SERPIND1: variants seen among roughly 807,000 people sequenced by gnomAD.
The protein encoded by SERPIND1 is heparin cofactor 2.
Under a neutral mutation model 35.0 loss-of-function variants are expected in SERPIND1, and 34 were observed. The ratio of observed to expected loss-of-function variants is 0.97; its 90% CI spans 0.74 to 1.29. SERPIND1 has a LOEUF of 1.29. Ranked by LOEUF, SERPIND1 falls within the 50% of genes most tolerant of loss-of-function variation. The pLI, the probability that SERPIND1 is intolerant of heterozygous loss-of-function variation, is 0.00. For missense variants in SERPIND1, 633 were observed against 637.7 expected, an observed-to-expected ratio of 0.99 and a Z score of 0.08; for synonymous variants, 236 against 241.1, an observed-to-expected ratio of 0.98 and a Z score of 0.19.
chr22:20,775,545 C>G (rs1187501107), intron 1 of SERPIND1, among the ~76,000 whole-genome samples: 1 of 152,246 alleles, frequency 6.6e-6, no homozygotes, highest in Non-Finnish European at 1.5e-5. Context: ...TATCTGGCCT[C>G]AGATACGTTT....
In SERPIND1 at chr22:20,779,596, T is replaced by A; in HGVS notation, c.284T>A (p.Ile95Asn). The change falls in exon 2 of 5, where the codon ATC (isoleucine) becomes AAC (asparagine). Residue 95 changes from isoleucine (I) to asparagine (N), a missense_variant. Transcript: ENST00000215727. The stretch of plus-strand genomic sequence containing the variant: ...AGTGAAGACGACGACTACATCGACA[T>A]CGTCGACAGTCTGTCAGTTTCCCCG... ...IFSEDDDYID[I>N]VDSLSVSPTD... is the part of the protein sequence containing the mutation. 1.2e-6 allele frequency: 2 copies of A among 1,614,152 alleles called. No individual in the cohort carries two copies. Among genetic ancestry groups the A allele is most frequent in the South Asian group, 1.1e-5 (1 of 91,088 alleles).
rs757747460 is a variant in SERPIND1, at chr22:20,783,940, C to T, written c.890-32C>T. On this transcript the variant is annotated intron_variant, in intron 2 of 4. Transcript: ENST00000215727. ...GAGACGATTTCCCTAAAGGAACCTT[C>T]TCATAACAGCCTCTTCCTGTGGCCT... is the stretch of plus-strand genomic sequence containing the variant. 6.2e-6 allele frequency: 10 copies of T among 1,614,010 alleles called. No homozygotes were observed. In the African/African-American group the frequency reaches 1.2e-4, roughly 19 times the overall value.
At chr22:20,779,062 G>C in intron 1 of SERPIND1, 2 of 931,000 alleles carry the variant, frequency 2.1e-6, no homozygotes, top group East Asian at 6.0e-5. Context: ...TTTAAAGAAG[G>C]GATTTTCATC....
intron 2 of SERPIND1, among the ~76,000 whole-genome samples, chr22:20,782,715 C>G (rs1286227602): frequency 6.6e-6 from 1 of 152,148 alleles, no homozygotes; most frequent in African/African-American, 2.4e-5. Flanking sequence ...TTGGAGTAAG[C>G]ATTACTGGTA....
intron 4 of SERPIND1, among the ~76,000 whole-genome samples, 188 bp downstream of exon 4, chr22:20,786,336 C>T (rs1016740040): frequency 1.3e-5 from 2 of 152,140 alleles, no homozygotes; most frequent in African/African-American, 2.4e-5. Flanking sequence ...AGCACGGCAC[C>T]TGGCAGACAC....
chr22:20,774,811 T>C (rs1481906894), intron 1 of SERPIND1, among the ~76,000 whole-genome samples: 2 of 149,302 alleles, frequency 1.3e-5, no homozygotes, highest in East Asian at 1.9e-4. Context: ...GAACAAGATA[T>C]AGGAGACCTA....
At chr22:20,780,348 G>A (rs981759299) in intron 2 of SERPIND1, 147 bp downstream of exon 2, 3 of 1,259,172 alleles carry the variant, frequency 2.4e-6, no homozygotes, top group Non-Finnish European at 2.3e-6. Context: ...GGACAGGGAA[G>A]GCCAAGCTGA....
intron 1 of SERPIND1, among the ~76,000 whole-genome samples, chr22:20,776,298 T>C (rs1933266195): frequency 1.3e-5 from 2 of 152,094 alleles, no homozygotes; most frequent in African/African-American, 4.8e-5. Flanking sequence ...CACTCCAGCC[T>C]GGGTGACAGA....
chr22:20,775,271 T>C (rs165680), intron 1 of SERPIND1, among the ~76,000 whole-genome samples: 69,575 of 152,082 alleles, frequency 0.46, 16,522 homozygotes, highest in African/African-American at 0.57. Context: ...GTAATCTGGA[T>C]TTAATCACAA....
rs1300206438 is a variant in SERPIND1 at position 20,785,427 on chromosome 22, TGAA to T, written c.1164-571_1164-569del. On this transcript the variant is annotated intron_variant, in intron 3 of 4. Coordinates refer to ENST00000215727, the MANE Select transcript of SERPIND1 (RefSeq NM_000185.4). ...GCAAGGTATGAGCTAGGTAAAAGAGTGAAGAAGATCAAGCCTTCCTGCCCATCC... is the reference window on the plus strand; with the variant it reads ...GCAAGGTATGAGCTAGGTAAAAGAGTGAAGATCAAGCCTTCCTGCCCATCC... Among the ~76,000 whole-genome samples the T allele has an allele frequency of 2.6e-5, 4 of 152,090 alleles. No individual in the cohort carries two copies. The East Asian group carries it at 5.8e-4, about 22-fold the overall frequency.
At chr22:20,777,590 G>C (rs1354781875) in intron 1 of SERPIND1, among the ~76,000 whole-genome samples, 1 of 152,210 alleles carries the variant, frequency 6.6e-6, no homozygotes, top group African/African-American at 2.4e-5. Flanking sequence ...CTGGGCTCAA[G>C]TGATCTTCCT....
chr22:20,785,943 CATG>C (rs34033319), intron 3 of SERPIND1, 58 bp from the exon 4 acceptor site: 505,334 of 1,610,624 alleles, frequency 0.31, 85,722 homozygotes, highest in Non-Finnish European at 0.35. Context: ...AAGGGAAAAT[CATG>C]ATTCTTTTGT....
chr22:20,775,158 G>C (rs1364470703), intron 1 of SERPIND1, among the ~76,000 whole-genome samples: 12 of 151,676 alleles, frequency 7.9e-5, no homozygotes, highest in Non-Finnish European at 1.8e-4. Flanking sequence ...ACCCAGCTCT[G>C]GCAATTAGCA....
intron 3 of SERPIND1, among the ~76,000 whole-genome samples, chr22:20,785,597 C>T (rs549288849): frequency 2.0e-5 from 3 of 152,178 alleles, no homozygotes; most frequent in South Asian, 4.1e-4. Context: ...CTAGTATATA[C>T]AGGAAAGGTT....
In SERPIND1 at chr22:20,780,110, C is replaced by G; in HGVS notation, c.798C>G (p.Ile266Met). 6.2e-7 allele frequency: 1 copy of G among 1,614,188 alleles called. No individual in the cohort carries two copies. The highest frequency in any genetic ancestry group is 1.1e-5 in the South Asian group (1 of 91,084). The change falls in exon 2 of 5, where the codon ATC becomes ATG. Residue 266 changes from isoleucine to methionine, a missense_variant. Transcript: ENST00000215727. ...PAFISKTNNH[I>M]MKLTKGLIKD... The stretch of plus-strand genomic sequence containing the variant: ...TCATATCAAAAACCAACAACCACAT[C>G]ATGAAGCTCACCAAGGGCCTCATAA...
intron 2 of SERPIND1, among the ~76,000 whole-genome samples, chr22:20,782,462 G>A (rs1933873415): frequency 6.6e-6 from 1 of 152,168 alleles, no homozygotes; most frequent in South Asian, 2.1e-4. Flanking sequence ...GTCTAGAAGT[G>A]TAATTTTAAT....
At position 20,779,794 on chromosome 22, in the gene SERPIND1, C is replaced by A. The variant is rs930125664; in HGVS notation, c.482C>A (p.Ala161Glu). 34 of 1,614,186 alleles carry A rather than the reference C, an allele frequency of 2.1e-5. No individual in the cohort carries two copies. Among genetic ancestry groups the A allele is most frequent in the Middle Eastern group, 1.6e-4 (1 of 6,062 alleles). Residue 161 changes from alanine (A) to glutamate (E), a missense_variant, in exon 2 of 5, where the codon GCG (alanine) becomes GAG (glutamate). By Grantham distance (107) the Ala-to-Glu change is moderately radical. Transcript: ENST00000215727. Reference sequence around the variant, plus strand: ...ATAGCACCCGTTGGCATTTCTACTGCGATGGGTATGATTTCCTTAGGTCTG... The same window carrying A: ...ATAGCACCCGTTGGCATTTCTACTGAGATGGGTATGATTTCCTTAGGTCTG... ...IFIAPVGISTAMGMISLGLKG... is the reference protein window; with the variant it reads ...IFIAPVGISTEMGMISLGLKG...
intron 1 of SERPIND1, among the ~76,000 whole-genome samples, chr22:20,776,549 G>A (rs1216647471): frequency 6.6e-6 from 1 of 152,146 alleles, no homozygotes; most frequent in Non-Finnish European, 1.5e-5. Context: ...AGTATTATAA[G>A]GGGAAGACCC....
chr22:20,780,031 T>A lies in SERPIND1; in HGVS notation c.719T>A (p.Val240Glu). Reference protein sequence around the residue: ...FPILLDFKTKVREYYFAEAQI... With the variant: ...FPILLDFKTKEREYYFAEAQI... ...ATCCTGCTTGACTTCAAAACTAAAG[T>A]AAGAGAGTATTACTTTGCTGAGGCC... Residue 240 changes from valine (V) to glutamate (E), a missense_variant, in exon 2 of 5, where the codon GTA (valine) becomes GAA (glutamate). Transcript: ENST00000215727. 1 of 1,614,076 alleles carries A rather than the reference T, an allele frequency of 6.2e-7. No individual in the cohort carries two copies. Among genetic ancestry groups the A allele is most frequent in the Non-Finnish European group, 8.5e-7 (1 of 1,180,010 alleles).
Sources: gnomAD v4.1 joint callset for allele counts (sites outside exome capture counted in the v4.1 genomes callset) on GRCh38, gnomAD v4.1.1 for gene constraint, MANE v1.5 for transcripts, NCBI Gene and HGNC (gene_info 2026-07-23, HGNC 2026-07-21) for gene names.